LRMDA: variants seen among roughly 807,000 people sequenced by gnomAD.
LRMDA encodes leucine-rich melanocyte differentiation-associated protein.
A neutral mutation model predicts 29.8 loss-of-function variants in LRMDA; 18 were observed. The ratio of observed to expected loss-of-function variants is 0.60; its 90% confidence interval spans 0.42 to 0.90. The LOEUF (loss-of-function observed/expected upper bound fraction) is 0.90, where lower values mean the gene tolerates loss of function less well. LRMDA is among the 40% of genes least tolerant of loss of function. The pLI is 0.00. For synonymous variants in LRMDA, 125 were observed against 109.4 expected (o/e 1.14, Z -0.89); for missense variants, 273 against 273.9 (o/e 1.00, Z 0.02).
At chr10:76,075,713 A>C (rs1316872670) in intron 5 of LRMDA, among the ~76,000 whole-genome samples, 1 of 152,166 alleles carries the variant, frequency 6.6e-6, no homozygotes, top group Non-Finnish European at 1.5e-5. Flanking sequence ...AAATGGGTAC[A>C]GTGATGCAGA....
At chr10:76,219,537 A>G (rs1394502222) in intron 5 of LRMDA, among the ~76,000 whole-genome samples, 2 of 152,352 alleles carry the variant, frequency 1.3e-5, no homozygotes, top group Middle Eastern at 3.4e-3. Context: ...ACATAATGGT[A>G]AAGGGATCAA....
chr10:76,266,092 C>T (rs1324621278), intron 5 of LRMDA, among the ~76,000 whole-genome samples: 1 of 151,996 alleles, frequency 6.6e-6, no homozygotes, highest in Admixed American at 6.6e-5. Context: ...ATTAACTGAT[C>T]TAGAAAATGA....
At chr10:76,466,914 TG>T (rs1842570356) in intron 6 of LRMDA, among the ~76,000 whole-genome samples, 1 of 152,248 alleles carries the variant, frequency 6.6e-6, no homozygotes, top group Non-Finnish European at 1.5e-5. Flanking sequence ...AAGTCTCCAG[TG>T]TCCATCCTCT....
At chr10:75,947,519 A>G (rs151064058) in intron 2 of LRMDA, among the ~76,000 whole-genome samples, 2 of 152,186 alleles carry the variant, frequency 1.3e-5, no homozygotes, top group Non-Finnish European at 2.9e-5. Context: ...ATGCCACTGC[A>G]GTAGAAGGGA....
intron 2 of LRMDA, among the ~76,000 whole-genome samples, chr10:75,803,803 A>C (rs181350479): frequency 1.3e-5 from 2 of 152,286 alleles, no homozygotes; most frequent in East Asian, 1.9e-4. Flanking sequence ...TTTCCTGTAC[A>C]TTTGGCTCAG....
At chr10:75,790,554 C>T (rs910324475) in intron 2 of LRMDA, among the ~76,000 whole-genome samples, 6 of 152,210 alleles carry the variant, frequency 3.9e-5, no homozygotes, top group African/African-American at 1.4e-4. Context: ...TCCTTCCTAA[C>T]TGTATGACAT....
chr10:75,852,029 T>C (rs1844740792), intron 2 of LRMDA, among the ~76,000 whole-genome samples: 1 of 152,216 alleles, frequency 6.6e-6, no homozygotes, highest in East Asian at 1.9e-4. Flanking sequence ...CCCCACCCCC[T>C]TCTCTAGAAC....
intron 2 of LRMDA, among the ~76,000 whole-genome samples, chr10:75,513,966 G>A (rs914096640): frequency 6.6e-6 from 1 of 152,150 alleles, no homozygotes; most frequent in Non-Finnish European, 1.5e-5. Context: ...AAGACATCAG[G>A]TGGTAAACAT....
At chr10:76,191,295 T>C (rs1042451015) in intron 5 of LRMDA, among the ~76,000 whole-genome samples, 5 of 152,206 alleles carry the variant, frequency 3.3e-5, no homozygotes, top group African/African-American at 1.2e-4. Flanking sequence ...TCAGACAGAA[T>C]ACATAGATCC....
intron 2 of LRMDA, among the ~76,000 whole-genome samples, chr10:75,803,686 A>G (rs2132263972): frequency 6.6e-6 from 1 of 152,358 alleles, no homozygotes; most frequent in Non-Finnish European, 1.5e-5. Context: ...ACTGGCACTT[A>G]GTAAGCTGCA....
At chr10:76,073,834 A>G (rs1848914020) in intron 5 of LRMDA, among the ~76,000 whole-genome samples, 1 of 152,148 alleles carries the variant, frequency 6.6e-6, no homozygotes, top group Admixed American at 6.5e-5. Context: ...ATGGTTCTAG[A>G]AGCAAGGCTT....
intron 5 of LRMDA, among the ~76,000 whole-genome samples, chr10:76,183,126 C>T (rs1405260009): frequency 6.6e-6 from 1 of 152,132 alleles, no homozygotes. Flanking sequence ...GTAGACAGCC[C>T]TCAACTTTCT....
chr10:76,390,811 C>T (rs1841715020), intron 6 of LRMDA, among the ~76,000 whole-genome samples: 1 of 152,160 alleles, frequency 6.6e-6, no homozygotes, highest in Non-Finnish European at 1.5e-5. Flanking sequence ...CTGATTTACT[C>T]CTGGATAGCA....
intron 5 of LRMDA, among the ~76,000 whole-genome samples, chr10:76,307,698 T>C (rs1399406153): frequency 6.6e-6 from 1 of 152,062 alleles, no homozygotes; most frequent in African/African-American, 2.4e-5. Context: ...TTGTTGGAAC[T>C]TACAGGAAAG....
At chr10:75,774,548 G>A (rs899381798) in intron 2 of LRMDA, among the ~76,000 whole-genome samples, 3 of 152,114 alleles carry the variant, frequency 2.0e-5, no homozygotes, top group Non-Finnish European at 4.4e-5. Context: ...GCCAAGTTGA[G>A]AACGATGAGG....
intron 5 of LRMDA, among the ~76,000 whole-genome samples, chr10:76,251,540 C>A (rs1226197400): frequency 1.3e-5 from 2 of 151,492 alleles, no homozygotes; most frequent in East Asian, 3.9e-4. Context: ...GCGTGAGCCA[C>A]CGCGCCCGGC....
At chr10:76,075,520 C>T (rs1848942774) in intron 5 of LRMDA, among the ~76,000 whole-genome samples, 1 of 152,182 alleles carries the variant, frequency 6.6e-6, no homozygotes, top group African/African-American at 2.4e-5. Flanking sequence ...GTATTTCAGC[C>T]CTGGAAAACT....
chr10:75,821,088 A>T (rs550174172), intron 2 of LRMDA, among the ~76,000 whole-genome samples: 1 of 152,200 alleles, frequency 6.6e-6, no homozygotes, highest in Non-Finnish European at 1.5e-5. Context: ...CAGACATACA[A>T]GGAAGAACTA....
intron 2 of LRMDA, among the ~76,000 whole-genome samples, chr10:75,723,541 T>A (rs112418325): frequency 0.012 from 1,856 of 152,346 alleles, 22 homozygotes; most frequent in African/African-American, 0.042. Context: ...AGGACACCAC[T>A]GTCTTGCAGT....
Sources: gnomAD v4.1 joint callset for allele counts (sites outside exome capture counted in the v4.1 genomes callset) on GRCh38, gnomAD v4.1.1 for gene constraint, MANE v1.5 for transcripts, NCBI Gene and HGNC (gene_info 2026-07-23, HGNC 2026-07-21) for gene names.